The following IL12RB2 variants were observed in gnomAD, a reference collection of about 807,000 sequenced individuals.
IL12RB2 encodes interleukin 12 receptor subunit beta 2.
Under a neutral mutation model 89.4 loss-of-function variants are expected in IL12RB2, and 82 were observed. The observed-to-expected ratio is 0.92, with a 90% CI of 0.77 to 1.10. The LOEUF (loss-of-function observed/expected upper bound fraction) is 1.10. Among genes scored for constraint, IL12RB2 ranks in the 50% least tolerant of loss-of-function variants. The pLI is 0.00. For missense variants in IL12RB2, 963 were observed against 1,031.9 expected, an observed-to-expected ratio of 0.93 and a Z score of 0.92; for synonymous variants, 368 against 370.1, an observed-to-expected ratio of 0.99 and a Z score of 0.07.
At chr1:67,382,291 ATTCAGCCCTG>A (rs1220789386) in intron 14 of IL12RB2, among the ~76,000 whole-genome samples, 1 of 152,200 alleles carries the variant, frequency 6.6e-6, no homozygotes, top group Non-Finnish European at 1.5e-5. Context: ...TAACTTCCCT[ATTCAGCCCTG>A]TTGACACTTC....
intron 10 of IL12RB2, among the ~76,000 whole-genome samples, chr1:67,366,272 T>C (rs981282914): frequency 2.0e-4 from 31 of 151,850 alleles, no homozygotes; most frequent in Middle Eastern, 3.4e-3. Context: ...GCCAACATGG[T>C]GAAACCTCGT....
In IL12RB2 at chr1:67,367,820, T is replaced by G. The variant is rs755019534; in HGVS notation, c.1259-5T>G. ...TTTTGTTTCTCCTCTTTCTGTCCGA[T>G]AAAGGGTTGCTGGCTCCTCGCCAGG... On this transcript the variant is annotated splice_region_variant and splice_polypyrimidine_tract_variant and intron_variant, in intron 10 of 16. Coordinates refer to ENST00000674203, the MANE Select transcript of IL12RB2 (RefSeq NM_001374259.2). 3.3e-6 allele frequency: 5 copies of G among 1,508,280 alleles called. No homozygotes were observed. Among genetic ancestry groups the G allele is most frequent in the Non-Finnish European group, 4.6e-6 (5 of 1,083,948 alleles). 93.4% of individuals were successfully genotyped at this position (1,508,280 alleles called of 1,614,324 possible). A position where few individuals can be genotyped will look rare whatever the true frequency, so the allele number is the denominator to read the frequency against.
Position 67,367,850 on chromosome 1 carries a change from T to C in IL12RB2, c.1284T>C (p.Ser428=). The change falls in exon 11 of 17, where the codon TCT becomes TCC. Residue 428 remains serine (S), a synonymous_variant. Coordinates refer to ENST00000674203, the MANE Select transcript of IL12RB2 (RefSeq NM_001374259.2). ...EAGLLAPRQV[S]ANSEGMDNIL... is the part of the protein sequence containing the mutation. ...GGTTGCTGGCTCCTCGCCAGGTCTC[T>C]GCAAACTCAGAGGGCATGGACAACA... is the stretch of plus-strand genomic sequence containing the variant. The C allele has an allele frequency of 6.2e-7, 1 of 1,605,556 alleles. No individual in the cohort carries two copies.
intron 10 of IL12RB2, among the ~76,000 whole-genome samples, chr1:67,367,288 A>G (rs939363281): frequency 4.0e-5 from 6 of 151,894 alleles, no homozygotes; most frequent in Non-Finnish European, 7.4e-5. Flanking sequence ...TCAGCTACTC[A>G]GGAGGCTAAG....
chr1:67,370,021 G>GAAAA (rs56153451), intron 11 of IL12RB2, among the ~76,000 whole-genome samples: 1 of 125,498 alleles, frequency 8.0e-6, no homozygotes. Flanking sequence ...GACTCCATCT[G>GAAAA]AAAAAAAAAA....
intron 8 of IL12RB2, among the ~76,000 whole-genome samples, chr1:67,335,006 A>G (rs1170671048): frequency 6.6e-6 from 1 of 152,212 alleles, no homozygotes; most frequent in Non-Finnish European, 1.5e-5. Flanking sequence ...GGAAAGTGTT[A>G]TGTTTAAGAT....
At chr1:67,344,959 G>T (rs1660052929) in intron 9 of IL12RB2, among the ~76,000 whole-genome samples, 1 of 152,040 alleles carries the variant, frequency 6.6e-6, no homozygotes, top group South Asian at 2.1e-4. Context: ...GAGGTGGGAG[G>T]ATCACCTGAG....
At chr1:67,363,683 C>T (rs1205487579) in intron 10 of IL12RB2, among the ~76,000 whole-genome samples, 2 of 152,118 alleles carry the variant, frequency 1.3e-5, no homozygotes, top group African/African-American at 4.8e-5. Context: ...AGAAGGAGGA[C>T]TTTGGATTAT....
rs568774182 is a variant in IL12RB2, at chr1:67,360,208, C to G, written c.1259-7617C>G. 2.6e-5 allele frequency among the ~76,000 whole-genome samples: 4 copies of G among 152,062 alleles called. No homozygotes were observed. In the South Asian group the frequency reaches 8.3e-4, roughly 32 times the overall value. On this transcript the variant is annotated intron_variant, in intron 10 of 16. Coordinates refer to ENST00000674203, the MANE Select transcript of IL12RB2 (RefSeq NM_001374259.2). Reference sequence around the variant, plus strand: ...CTAGAGGTCAGGAGTTTGAAGCCAGCCTGGCCAACATGGTGAAACCCCATC... The same window carrying G: ...CTAGAGGTCAGGAGTTTGAAGCCAGGCTGGCCAACATGGTGAAACCCCATC...
chr1:67,326,822 C>A lies in IL12RB2; in HGVS notation c.452C>A (p.Thr151Asn). The A allele has an allele frequency of 4.3e-6, 7 of 1,613,630 alleles. No homozygotes were observed. Among genetic ancestry groups the A allele is most frequent in the South Asian group, 1.1e-5 (1 of 91,026 alleles). Residue 151 changes from threonine to asparagine, a missense_variant, in exon 5 of 17, where the codon ACC becomes AAC. Coordinates refer to ENST00000674203, the MANE Select transcript of IL12RB2 (RefSeq NM_001374259.2). Reference protein sequence around the residue: ...VACTWERGRDTHLYTEYTLQL... With the variant: ...VACTWERGRDNHLYTEYTLQL... ...TGCACCTGGGAAAGAGGACGAGACA[C>A]CCACTTATACACTGAGTATACTCTA...
In IL12RB2 at chr1:67,320,341, C is replaced by T. The variant is rs765685802; in HGVS notation, c.-28C>T. 6.1e-5 allele frequency: 99 copies of T among 1,613,570 alleles called. No individual in the cohort carries two copies. Among genetic ancestry groups the T allele is most frequent in the Middle Eastern group, 1.6e-4 (1 of 6,070 alleles). Reference sequence around the variant, plus strand: ...TTGTCTTCTTTTGCAAGGAAGAATACGGAGTTCTATACCAGAGTTGATTGT... The same window carrying T: ...TTGTCTTCTTTTGCAAGGAAGAATATGGAGTTCTATACCAGAGTTGATTGT... On this transcript the variant is annotated 5_prime_UTR_variant, in exon 3 of 17. The change creates a new upstream start codon in the 5' untranslated region. Transcript: ENST00000674203.
chr1:67,379,795 A>G, intron 13 of IL12RB2, 191 bp from the exon 14 acceptor site: 1 of 568,340 alleles, frequency 1.8e-6, no homozygotes, highest in Non-Finnish European at 3.1e-6. Context: ...CTGTGGAGTG[A>G]GATGTCCATA....
intron 2 of IL12RB2, among the ~76,000 whole-genome samples, chr1:67,319,542 C>G (rs1181867445): frequency 6.6e-6 from 1 of 152,124 alleles, no homozygotes; most frequent in Non-Finnish European, 1.5e-5. Flanking sequence ...CTACTGATTC[C>G]AGAATCACTT....
chr1:67,346,682 G>A (rs927433154), intron 9 of IL12RB2, among the ~76,000 whole-genome samples: 4 of 152,118 alleles, frequency 2.6e-5, no homozygotes, highest in Non-Finnish European at 5.9e-5. Flanking sequence ...CACCGCGCAC[G>A]GCCAAGGGTT....
chr1:67,324,379 T>A (rs1657003554), intron 4 of IL12RB2, among the ~76,000 whole-genome samples: 1 of 152,200 alleles, frequency 6.6e-6, no homozygotes, highest in East Asian at 1.9e-4. Flanking sequence ...TGCACCACCA[T>A]GCCCGGCTAA....
intron 15 of IL12RB2, among the ~76,000 whole-genome samples, chr1:67,387,980 C>A (rs1665405521): frequency 6.6e-6 from 1 of 152,092 alleles, no homozygotes; most frequent in South Asian, 2.1e-4. Context: ...GAGTTCAAGA[C>A]CAGCCTGGAC....
At chr1:67,373,599 G>A (rs1311984635) in intron 13 of IL12RB2, among the ~76,000 whole-genome samples, 1 of 152,146 alleles carries the variant, frequency 6.6e-6, no homozygotes, top group Non-Finnish European at 1.5e-5. Context: ...ATAAACTCTA[G>A]CTAGAGTGTT....
chr1:67,362,586 A>C (rs1444535285), intron 10 of IL12RB2, among the ~76,000 whole-genome samples: 2 of 149,986 alleles, frequency 1.3e-5, no homozygotes, highest in Non-Finnish European at 3.0e-5. Flanking sequence ...AAAAAAAAAA[A>C]AAAAAAGAAA....
chr1:67,309,659 G>A (rs997143818), intron 1 of IL12RB2, among the ~76,000 whole-genome samples: 20 of 151,996 alleles, frequency 1.3e-4, no homozygotes, highest in Admixed American at 3.9e-4. Context: ...TTTGACAAAC[G>A]GAATCTTTTC....
Sources: gnomAD v4.1 joint callset for allele counts (sites outside exome capture counted in the v4.1 genomes callset) on GRCh38, gnomAD v4.1.1 for gene constraint, MANE v1.5 for transcripts, NCBI Gene and HGNC (gene_info 2026-07-23, HGNC 2026-07-21) for gene names.